TMEM63A: variants seen among roughly 807,000 people sequenced by gnomAD.
TMEM63A encodes the protein transmembrane protein 63A.
TMEM63A carries 76 observed loss-of-function variants against 100.6 expected under a neutral mutation model. The ratio of observed to expected loss-of-function variants is 0.76; its 90% CI spans 0.63 to 0.91. The LOEUF (loss-of-function observed/expected upper bound fraction) is 0.91, where lower values mean the gene tolerates loss of function less well. TMEM63A is among the 40% of genes least tolerant of loss of function. TMEM63A has a pLI of 0.00. For synonymous variants in TMEM63A, 401 were observed against 401.1 expected, an observed-to-expected ratio of 1.00 and a Z score of 0.00; for missense variants, 876 against 1,008.8, an observed-to-expected ratio of 0.87 and a Z score of 1.78.
chr1:225,859,430 G>A, intron 14 of TMEM63A, 81 bp from the exon 15 acceptor site: 1 of 1,556,058 alleles, frequency 6.4e-7, no homozygotes. Context: ...GTCAGATTTA[G>A]GCAGACCAAG....
Position 225,877,581 on chromosome 1 carries a change from C to T in TMEM63A, c.-1G>A, listed in dbSNP as rs762107185. 1.4e-5 allele frequency: 22 copies of T among 1,612,202 alleles called. No homozygotes were observed. Among genetic ancestry groups the T allele is most frequent in the South Asian group, 3.3e-5 (3 of 90,910 alleles). On this transcript the variant is annotated 5_prime_UTR_variant, in exon 3 of 25. Transcript: ENST00000366835. ...GCTCCAGGAACGGGGAGTCCATCAT[C>T]GCGCCTGTCTTCCCTGGAGCACAGG...
At chr1:225,877,312 C>T in intron 3 of TMEM63A, 83 bp downstream of exon 3, 1 of 1,464,858 alleles carries the variant, frequency 6.8e-7, no homozygotes, top group Non-Finnish European at 9.2e-7. Context: ...TCTGACTTCT[C>T]ATCTAAGTTT....
Position 225,867,835 on chromosome 1 carries a change from G to T in TMEM63A, c.514+53C>A. 6.2e-7 allele frequency: 1 copy of T among 1,609,388 alleles called. No homozygotes were observed. The highest frequency in any genetic ancestry group is 8.5e-7 in the Non-Finnish European group (1 of 1,177,228). Reference sequence around the variant, plus strand: ...TCTACCACAGTGAGCCCTTTCCCTAGGACTGCCACTCTGCCCCATTACAAC... The same window carrying T: ...TCTACCACAGTGAGCCCTTTCCCTATGACTGCCACTCTGCCCCATTACAAC... On this transcript the variant is annotated intron_variant, in intron 7 of 24. Transcript: ENST00000366835. The surrounding 1 kb of genome is among the most constrained non-coding windows in gnomAD (Gnocchi z 4.6).
Position 225,862,835 on chromosome 1 carries a change from A to C in TMEM63A, c.763T>G (p.Cys255Gly). ...CACAGCTGCACATCAACCACCTCACACGTGGGATACGCGTCCCTGTGGCCA... is the reference window on the plus strand; with the variant it reads ...CACAGCTGCACATCAACCACCTCACCCGTGGGATACGCGTCCCTGTGGCCA... ...ESHFRDAYPT[C>G]EVVDVQLCYN... is the part of the protein sequence containing the mutation. Residue 255 changes from cysteine (C) to glycine (G), a missense_variant, in exon 11 of 25, where the codon TGT becomes GGT. By Grantham distance (159) the Cys-to-Gly change is radical. Transcript: ENST00000366835. The surrounding 1 kb of genome is among the most constrained non-coding windows in gnomAD (Gnocchi z 5.1). The C allele has an allele frequency of 1.9e-6, 3 of 1,613,780 alleles. No homozygotes were observed. The highest frequency in any genetic ancestry group is 2.5e-6 in the Non-Finnish European group (3 of 1,179,946).
downstream of TMEM63A, among the ~76,000 whole-genome samples, chr1:225,841,925 CTGTACAGTATTT>C (rs535658819): frequency 2.2e-4 from 33 of 152,278 alleles, no homozygotes; most frequent in African/African-American, 7.2e-4. Context: ...TTTTTAATGA[CTGTACAGTATTT>C]TGGCTTATGA....
rs1669980661 is a variant in TMEM63A at position 225,862,308 on chromosome 1, A to C, written c.995T>G (p.Leu332Arg). 4 of 1,614,174 alleles carry C rather than the reference A, an allele frequency of 2.5e-6. No individual in the cohort carries two copies. The highest frequency in any genetic ancestry group is 3.4e-6 in the Non-Finnish European group (4 of 1,180,028). ...GCGTTCTTCCTCTGTGATCCTCTCCAGCAGCCTGTCCTTCATCCGTGTGTA... is the reference window on the plus strand; with the variant it reads ...GCGTTCTTCCTCTGTGATCCTCTCCCGCAGCCTGTCCTTCATCCGTGTGTA... ...SYYTRMKDRL[L>R]ERITEEERHV... The change falls in exon 13 of 25, where the codon CTG (leucine) becomes CGG (arginine). Residue 332 changes from leucine (L) to arginine (R), a missense_variant. Transcript: ENST00000366835. This position sits in a 1 kb window ranked among gnomAD's most constrained non-coding sequence, Gnocchi z 5.1.
chr1:225,868,867 C>T (rs917231895), intron 6 of TMEM63A, among the ~76,000 whole-genome samples: 2 of 152,040 alleles, frequency 1.3e-5, no homozygotes, highest in African/African-American at 2.4e-5. Flanking sequence ...TCCACCCTTT[C>T]CCACCCTTGG....
At chr1:225,872,686 CTTCTTTT>C (rs1361368377) in intron 4 of TMEM63A, among the ~76,000 whole-genome samples, 80 of 112,656 alleles carry the variant, frequency 7.1e-4, no homozygotes, top group South Asian at 5.2e-3. Flanking sequence ...GACTGCTTTT[CTTCTTTT>C]TTTTTTTTTT....
intron 14 of TMEM63A, 62 bp downstream of exon 14, chr1:225,860,798 A>G (rs1445665429): frequency 6.6e-7 from 1 of 1,522,562 alleles, no homozygotes; most frequent in Non-Finnish European, 8.8e-7. Flanking sequence ...GCTCCAGGTG[A>G]TGGGCAGCTC....
At position 225,847,125 on chromosome 1, in the gene TMEM63A, A is replaced by G. The variant is rs551210972; in HGVS notation, c.2339T>C (p.Ile780Thr). 6.2e-7 allele frequency: 1 copy of G among 1,613,654 alleles called. No homozygotes were observed. The highest frequency in any genetic ancestry group is 1.7e-5 in the Admixed American group (1 of 60,024). Residue 780 changes from isoleucine (I) to threonine (T), a missense_variant, in exon 24 of 25, where the codon ATC (isoleucine) becomes ACC (threonine). Physicochemically the swap from Ile to Thr is moderately conservative, Grantham distance 89 (BLOSUM62 -1). This residue lies in a region of TMEM63A where 339 missense variants were observed against 342.3 expected (regional missense o/e 0.99). Transcript: ENST00000366835. ...AGGGATAGTCCCGCTGATGTTGTGG[A>G]TGGCACCATAGGTCTGCTGCTGCTG... ...QQQQQQTYGA[I>T]HNISGTIPGQ...
Position 225,872,183 on chromosome 1 carries a change from T to C in TMEM63A, c.267-130A>G, listed in dbSNP as rs1670541578. ...CAGAACCAAAGCTACCAGCCCTCGA[T>C]GGCTGGGACAAAATATAACTCACTC... On this transcript the variant is annotated intron_variant, in intron 4 of 24. Transcript: ENST00000366835. 4 of 644,022 alleles carry C rather than the reference T, an allele frequency of 6.2e-6. No homozygotes were observed. The Admixed American group carries it at 8.5e-5, about 14-fold the overall frequency. The allele number at this position is 644,022 out of a possible 1,614,324, so 39.9% of individuals were successfully genotyped here.
chr1:225,843,161 T>A (rs41359248), downstream of TMEM63A, among the ~76,000 whole-genome samples: 1 of 151,998 alleles, frequency 6.6e-6, no homozygotes, highest in Non-Finnish European at 1.5e-5. Context: ...GCCCAGTACA[T>A]AGATGTTGAA....
At chr1:225,872,208 CTG>C (rs1670542403) in intron 4 of TMEM63A, among the ~76,000 whole-genome samples, 155 bp from the exon 5 acceptor site, 1 of 152,062 alleles carries the variant, frequency 6.6e-6, no homozygotes, top group Non-Finnish European at 1.5e-5. Flanking sequence ...ATAACTCACT[CTG>C]TGAAAGATAG....
At chr1:225,868,265 A>C (rs1477977183) in intron 6 of TMEM63A, among the ~76,000 whole-genome samples, 3 of 152,214 alleles carry the variant, frequency 2.0e-5, no homozygotes, top group African/African-American at 7.2e-5. Context: ...AGGTAAAGGA[A>C]TACCAGCACT....
chr1:225,852,793 G>A (rs1013409521), intron 19 of TMEM63A, 24 bp from the exon 20 acceptor site: 2 of 1,603,296 alleles, frequency 1.2e-6, no homozygotes, highest in African/African-American at 2.7e-5. Context: ...GTGGTGAGGA[G>A]CTCATGGACT....
intron 15 of TMEM63A, 94 bp from the exon 16 acceptor site, chr1:225,857,111 C>G: frequency 9.2e-7 from 1 of 1,083,832 alleles, no homozygotes; most frequent in Non-Finnish European, 1.3e-6. Flanking sequence ...TCAGTGGACT[C>G]CCAGGGTAGG....
intron 8 of TMEM63A, 95 bp from the exon 9 acceptor site, chr1:225,866,777 C>G: frequency 9.0e-7 from 1 of 1,105,480 alleles, no homozygotes; most frequent in Non-Finnish European, 1.3e-6. Flanking sequence ...GGGCACTGAA[C>G]TGAGGACCAA....
rs1246189019 is a variant in TMEM63A at position 225,859,353 on chromosome 1, C to A, written c.1224-4G>T. 6.2e-7 allele frequency: 1 copy of A among 1,613,592 alleles called. No individual in the cohort carries two copies. Among genetic ancestry groups the A allele is most frequent in the African/African-American group, 1.3e-5 (1 of 75,004 alleles). On this transcript the variant is annotated splice_polypyrimidine_tract_variant and splice_region_variant and intron_variant, in intron 14 of 24. Transcript: ENST00000366835. ...GCCCTGGATAGAGAGGTTCTTCCTG[C>A]AGCGGGAGAGGGGATACAGGTCTCG...
At position 225,847,052 on chromosome 1, in the gene TMEM63A, G is replaced by A; in HGVS notation, c.2412C>T (p.Pro804=). Residue 804 remains proline, a synonymous_variant, in exon 24 of 25, where the codon CCC becomes CCT. Coordinates refer to ENST00000366835, the MANE Select transcript of TMEM63A (RefSeq NM_014698.3). ...AGCTCACCCAGCCTCAGGCCTCCTG[G>A]GGGGCAGCAGCCACACTGCCCGTGG... ...QSATGSVAAA[P]QEA 1.2e-6 allele frequency: 2 copies of A among 1,611,392 alleles called. No individual in the cohort carries two copies. Among genetic ancestry groups the A allele is most frequent in the Non-Finnish European group, 1.7e-6 (2 of 1,178,960 alleles).
Sources: gnomAD v4.1 joint callset for allele counts (sites outside exome capture counted in the v4.1 genomes callset) on GRCh38, gnomAD v4.1.1 for gene constraint, gnomAD v4.1.1 regional missense constraint, Gnocchi (gnomAD v3.1) non-coding constraint, MANE v1.5 for transcripts, NCBI Gene and HGNC (gene_info 2026-07-23, HGNC 2026-07-21) for gene names.